The following IKZF2 variants were observed in gnomAD, a reference collection of about 807,000 sequenced individuals.
IKZF2 encodes IKAROS family zinc finger 2, also known as zinc finger protein Helios.
A neutral mutation model predicts 49.2 loss-of-function variants in IKZF2; 15 were observed. The observed-to-expected ratio is 0.30, with a 90% confidence interval of 0.20 to 0.47. The LOEUF is 0.47. Among genes scored for constraint, IKZF2 ranks in the 20% least tolerant of loss-of-function variants. IKZF2 has a pLI of 1.00. For missense variants in IKZF2, 567 were observed against 664.6 expected (o/e 0.85, Z 1.61); for synonymous variants, 227 against 221.4 (o/e 1.03, Z -0.23).
At chr2:213,044,654 T>C (rs1357127788) in intron 6 of IKZF2, among the ~76,000 whole-genome samples, 1 of 152,222 alleles carries the variant, frequency 6.6e-6, no homozygotes. Flanking sequence ...ATATGGCTGA[T>C]GGCCCTAAGG....
intron 8 of IKZF2, among the ~76,000 whole-genome samples, chr2:213,010,929 T>C (rs950052715): frequency 6.6e-6 from 1 of 152,122 alleles, no homozygotes; most frequent in Non-Finnish European, 1.5e-5. Context: ...CCAACTTGCA[T>C]AGCTGTTAAG....
intron 4 of IKZF2, among the ~76,000 whole-genome samples, chr2:213,058,412 TC>T (rs1474355558): frequency 3.3e-5 from 5 of 152,014 alleles, no homozygotes; most frequent in South Asian, 2.1e-4. Flanking sequence ...GGTACCGACT[TC>T]CTATGGTTGC....
intron 6 of IKZF2, among the ~76,000 whole-genome samples, chr2:213,025,763 C>T (rs1274953227): frequency 1.3e-5 from 2 of 152,118 alleles, no homozygotes; most frequent in Non-Finnish European, 2.9e-5. Flanking sequence ...TTTGTTCTGA[C>T]TGCCCTTCTT....
chr2:213,032,952 G>A (rs1219855038), intron 6 of IKZF2, among the ~76,000 whole-genome samples: 3 of 152,186 alleles, frequency 2.0e-5, no homozygotes, highest in African/African-American at 7.2e-5. Flanking sequence ...GATGCTATTT[G>A]ATACGATTTT....
At chr2:213,074,334 A>G (rs74349653) in intron 4 of IKZF2, among the ~76,000 whole-genome samples, 1 of 152,216 alleles carries the variant, frequency 6.6e-6, no homozygotes, top group Non-Finnish European at 1.5e-5. Context: ...GCCGTATGGT[A>G]TATATTGCCT....
intron 4 of IKZF2, among the ~76,000 whole-genome samples, chr2:213,104,113 T>G (rs1276875842): frequency 6.6e-6 from 1 of 152,108 alleles, no homozygotes; most frequent in Non-Finnish European, 1.5e-5. Context: ...CTAGAGGTAT[T>G]GCAAACTTGC....
At chr2:213,148,738 C>T in intron 2 of IKZF2, 94 bp from the exon 3 acceptor site, 4 of 995,062 alleles carry the variant, frequency 4.0e-6, no homozygotes, top group Non-Finnish European at 6.3e-6. Context: ...GCAGTTAGTC[C>T]ATGTTGCTGC....
chr2:213,015,060 G>C (rs913494883), intron 7 of IKZF2: 3 of 151,936 alleles, frequency 2.0e-5, no homozygotes, highest in African/African-American at 7.2e-5. Flanking sequence ...CCTCTTGGCA[G>C]ACACAAAAAT....
Position 213,147,683 on chromosome 2 carries a change from A to C in IKZF2, c.139+25T>G, listed in dbSNP as rs115844439. The C allele has an allele frequency of 2.2e-3, 3,452 of 1,582,276 alleles. 63 individuals carry two copies. The African/African-American group carries it at 0.035, about 16-fold the overall frequency. On this transcript the variant is annotated intron_variant, in intron 4 of 8. Transcript: ENST00000434687. The stretch of plus-strand genomic sequence containing the variant: ...TGCTGGAGAGACACACACACACAAA[A>C]AAAAATCATAAAATGAAGACTTACT...
At chr2:213,077,447 T>C (rs1703392471) in intron 4 of IKZF2, among the ~76,000 whole-genome samples, 1 of 152,052 alleles carries the variant, frequency 6.6e-6, no homozygotes, top group Non-Finnish European at 1.5e-5. Context: ...ATGCTGTCAA[T>C]CAACAAAATG....
chr2:213,075,622 C>T (rs13425936), intron 4 of IKZF2, among the ~76,000 whole-genome samples: 63,580 of 151,878 alleles, frequency 0.42, 14,137 homozygotes, highest in African/African-American at 0.52. Flanking sequence ...TGAGGTCACA[C>T]AGAAGTTTTC....
At chr2:213,130,135 CTTG>C in intron 4 of IKZF2, among the ~76,000 whole-genome samples, 1 of 152,272 alleles carries the variant, frequency 6.6e-6, no homozygotes, top group Non-Finnish European at 1.5e-5. Context: ...GACACTAGAT[CTTG>C]TTGTTCTATC....
chr2:213,072,960 C>T (rs911371558), intron 4 of IKZF2, among the ~76,000 whole-genome samples: 1 of 151,996 alleles, frequency 6.6e-6, no homozygotes, highest in Admixed American at 6.6e-5. Context: ...TCAATGTTTC[C>T]CTTTTTCATT....
At chr2:213,094,499 T>C (rs1231178714) in intron 4 of IKZF2, among the ~76,000 whole-genome samples, 1 of 152,048 alleles carries the variant, frequency 6.6e-6, no homozygotes, top group Non-Finnish European at 1.5e-5. Flanking sequence ...CCATCTTTCC[T>C]GGAAGAATCT....
intron 4 of IKZF2, among the ~76,000 whole-genome samples, chr2:213,132,157 C>A (rs746828917): frequency 6.6e-6 from 1 of 152,070 alleles, no homozygotes; most frequent in African/African-American, 2.4e-5. Context: ...CTATCCCAGT[C>A]GGTTAGGTGC....
At chr2:213,013,707 C>CCA in intron 8 of IKZF2, 84 bp downstream of exon 8, 1 of 1,234,228 alleles carries the variant, frequency 8.1e-7, no homozygotes, top group Non-Finnish European at 1.1e-6. Flanking sequence ...CTGAAACACA[C>CCA]CATATATATT....
At chr2:213,034,990 A>C (rs1454706323) in intron 6 of IKZF2, among the ~76,000 whole-genome samples, 1 of 152,248 alleles carries the variant, frequency 6.6e-6, no homozygotes, top group Non-Finnish European at 1.5e-5. Flanking sequence ...CAGCTCCCAA[A>C]ATAATCAATT....
At chr2:213,107,148 T>C (rs1267459401) in intron 4 of IKZF2, among the ~76,000 whole-genome samples, 31 of 151,986 alleles carry the variant, frequency 2.0e-4, no homozygotes, top group Non-Finnish European at 1.5e-5. Flanking sequence ...CACTTAGGGT[T>C]CCCTCAGACA....
chr2:213,058,282 T>C (rs1701356884), intron 4 of IKZF2, among the ~76,000 whole-genome samples: 1 of 152,024 alleles, frequency 6.6e-6, no homozygotes, highest in Non-Finnish European at 1.5e-5. Flanking sequence ...GTTTGCAAAG[T>C]ACAGATGAAC....
Sources: allele counts gnomAD v4.1 joint callset (sites outside exome capture counted in the v4.1 genomes callset), GRCh38; gene constraint gnomAD v4.1.1; transcripts MANE v1.5; gene names NCBI Gene and HGNC (gene_info 2026-07-23, HGNC 2026-07-21).